Variants in CCDC148 observed in about 807,000 individuals in gnomAD.
CCDC148 encodes the protein coiled-coil domain-containing protein 148.
A neutral mutation model predicts 85.7 loss-of-function variants in CCDC148; 89 were observed. The ratio of observed to expected loss-of-function variants is 1.04; its 90% CI spans 0.87 to 1.24. The LOEUF (loss-of-function observed/expected upper bound fraction) is 1.24. Ranked by LOEUF, CCDC148 falls within the 50% of genes most tolerant of loss-of-function variation. CCDC148 has a pLI of 0.00. For synonymous variants in CCDC148, 230 were observed against 213.9 expected (o/e 1.08, Z -0.66); for missense variants, 692 against 671.7 (o/e 1.03, Z -0.33).
At chr2:158,312,393 C>A (rs1412010287) in intron 8 of CCDC148, among the ~76,000 whole-genome samples, 2 of 151,880 alleles carry the variant, frequency 1.3e-5, no homozygotes, top group East Asian at 3.9e-4. Flanking sequence ...ACCATCCTGG[C>A]CAACACGGTG....
intron 1 of CCDC148, among the ~76,000 whole-genome samples, chr2:158,363,061 A>T (rs1304916065): frequency 6.6e-6 from 1 of 152,236 alleles, no homozygotes; most frequent in East Asian, 1.9e-4. Flanking sequence ...GAACTAGAAA[A>T]TCTAGAAGAA....
At chr2:158,240,282 T>C (rs1688292657) in intron 10 of CCDC148, among the ~76,000 whole-genome samples, 2 of 152,082 alleles carry the variant, frequency 1.3e-5, no homozygotes, top group East Asian at 1.9e-4. Flanking sequence ...AAGCCAACTT[T>C]AGATCATCTG....
At chr2:158,316,192 C>T (rs33999346) in intron 7 of CCDC148, among the ~76,000 whole-genome samples, 3 of 152,160 alleles carry the variant, frequency 2.0e-5, no homozygotes, top group Non-Finnish European at 2.9e-5. Flanking sequence ...AGTGGCAGTG[C>T]AAGATTGTGG....
intron 9 of CCDC148, among the ~76,000 whole-genome samples, chr2:158,284,027 CA>C (rs2105179484): frequency 6.8e-6 from 1 of 147,306 alleles, no homozygotes; most frequent in African/African-American, 2.5e-5. Context: ...ATCGTAAGAA[CA>C]AAAAACCAAA....
At chr2:158,256,848 A>T (rs1421952978) in intron 9 of CCDC148, among the ~76,000 whole-genome samples, 1 of 151,748 alleles carries the variant, frequency 6.6e-6, no homozygotes, top group African/African-American at 2.4e-5. Flanking sequence ...CTTCTCTAGC[A>T]CATTGTCCCT....
intron 1 of CCDC148, among the ~76,000 whole-genome samples, chr2:158,371,309 G>T (rs1684430919): frequency 6.6e-6 from 1 of 151,924 alleles, no homozygotes; most frequent in Non-Finnish European, 1.5e-5. Context: ...GTTAACATTA[G>T]AATATTCACC....
intron 12 of CCDC148, 32 bp downstream of exon 12, chr2:158,178,840 TAAAAAAA>T: frequency 7.0e-7 from 1 of 1,420,796 alleles, no homozygotes; most frequent in Admixed American, 1.7e-5. Flanking sequence ...ACATTTTTTT[TAAAAAAA>T]CCACCCATGA....
rs1553521584 is a variant in CCDC148 at position 158,433,091 on chromosome 2, A to AATAT, written c.25+23320_25+23323dup. On this transcript the variant is annotated intron_variant, in intron 1 of 13. Transcript: ENST00000283233. ...CATCTCTACAAAAAAAAAAAAAAAAAATATATATATATATATATATGACTT... is the reference window on the plus strand; with the variant it reads ...CATCTCTACAAAAAAAAAAAAAAAAAATATATATATATATATATATATATGACTT... Among the ~76,000 whole-genome samples, 223 of 51,190 alleles carry AATAT rather than the reference A, an allele frequency of 4.4e-3. 4 individuals are homozygous for AATAT. The Middle Eastern group carries it at 0.048, about 11-fold the overall frequency. The allele number at this position is 51,190 out of a possible 152,430, so 33.6% of individuals were successfully genotyped here. A position where few individuals can be genotyped will look rare whatever the true frequency, so the allele number is the denominator to read the frequency against.
At chr2:158,434,137 G>A (rs62184122) in intron 1 of CCDC148, among the ~76,000 whole-genome samples, 3,636 of 152,256 alleles carry the variant, frequency 0.024, 79 homozygotes, top group Non-Finnish European at 0.036. Flanking sequence ...CTCCCAGCAC[G>A]CAGCTTGAGA....
intron 7 of CCDC148, among the ~76,000 whole-genome samples, chr2:158,323,718 G>T (rs1024537141): frequency 2.0e-5 from 3 of 152,202 alleles, no homozygotes; most frequent in African/African-American, 7.2e-5. Context: ...TTCTTCATCT[G>T]TAAAACAGAG....
intron 1 of CCDC148, among the ~76,000 whole-genome samples, chr2:158,385,647 T>A (rs1685054904): frequency 6.6e-6 from 1 of 152,100 alleles, no homozygotes; most frequent in Admixed American, 6.6e-5. Flanking sequence ...TAATCAAAGG[T>A]ATACACAAAG....
intron 11 of CCDC148, among the ~76,000 whole-genome samples, chr2:158,214,119 G>A (rs556838858): frequency 1.6e-5 from 1 of 63,288 alleles, no homozygotes; most frequent in East Asian, 4.2e-4. Context: ...TAAACATTGT[G>A]GTAAAAAAAA....
At chr2:158,302,203 G>C (rs942603705) in intron 9 of CCDC148, among the ~76,000 whole-genome samples, 1 of 152,292 alleles carries the variant, frequency 6.6e-6, no homozygotes, top group South Asian at 2.1e-4. Flanking sequence ...GAAAGGCATA[G>C]GGTGGGGAGG....
At chr2:158,295,878 A>C (rs1376650394) in intron 9 of CCDC148, among the ~76,000 whole-genome samples, 3 of 152,052 alleles carry the variant, frequency 2.0e-5, no homozygotes, top group Admixed American at 6.6e-5. Context: ...TGGCCAGGGC[A>C]ATTAGTCAGG....
At chr2:158,392,988 C>G (rs1425139945) in intron 1 of CCDC148, among the ~76,000 whole-genome samples, 1 of 151,902 alleles carries the variant, frequency 6.6e-6, no homozygotes, top group Non-Finnish European at 1.5e-5. Flanking sequence ...GTATTATCTA[C>G]AAGTCAGGGT....
chr2:158,217,370 G>GTATATATATATATATATATATATATA (rs1453254522), intron 11 of CCDC148, among the ~76,000 whole-genome samples: 5 of 75,512 alleles, frequency 6.6e-5, no homozygotes, highest in African/African-American at 2.0e-4. Flanking sequence ...TTTTGTGTGT[G>GTATATATATATATATATATATATATA]TGTGTATATA....
intron 11 of CCDC148, among the ~76,000 whole-genome samples, chr2:158,208,323 G>A (rs1686362844): frequency 6.8e-6 from 1 of 147,654 alleles, no homozygotes; most frequent in Admixed American, 6.9e-5. Context: ...CTAAAGCTGT[G>A]AACTGTAGAA....
At chr2:158,455,191 T>C (rs1022578647) in intron 1 of CCDC148, among the ~76,000 whole-genome samples, 2 of 152,190 alleles carry the variant, frequency 1.3e-5, no homozygotes, top group African/African-American at 4.8e-5. Flanking sequence ...AAAACACACA[T>C]TAAAAAGCCG....
chr2:158,340,096 A>G, intron 5 of CCDC148, 146 bp downstream of exon 5: 1 of 594,764 alleles, frequency 1.7e-6, no homozygotes. Flanking sequence ...TAGTGGATAG[A>G]ATTAGCTGCC....
Sources: allele counts gnomAD v4.1 joint callset (sites outside exome capture counted in the v4.1 genomes callset), GRCh38; gene constraint gnomAD v4.1.1; transcripts MANE v1.5; gene names NCBI Gene and HGNC (gene_info 2026-07-23, HGNC 2026-07-21).